Variants in TIAM1 observed in about 807,000 individuals in gnomAD.
The protein encoded by TIAM1 is TIAM Rac1 associated GEF 1.
Under a neutral mutation model 163.5 loss-of-function variants are expected in TIAM1, and 65 were observed. That is an observed-to-expected ratio of 0.40 (90% CI 0.33 to 0.49). The LOEUF (loss-of-function observed/expected upper bound fraction) is 0.49. Ranked by LOEUF, TIAM1 falls within the 20% of genes least tolerant of loss-of-function variation. The pLI is 0.77. For missense variants in TIAM1, 1,789 were observed against 2,044.7 expected (o/e 0.87, Z 2.41); for synonymous variants, 833 against 810.1 (o/e 1.03, Z -0.48).
intron 20 of TIAM1, among the ~76,000 whole-genome samples, chr21:31,146,484 G>A (rs564474515): frequency 6.6e-6 from 1 of 151,456 alleles, no homozygotes; most frequent in South Asian, 2.1e-4. Flanking sequence ...GTCGAGGCGG[G>A]TGGATCACCT....
chr21:31,281,979 T>TAAA (rs2073589826), intron 2 of TIAM1, among the ~76,000 whole-genome samples: 1 of 152,210 alleles, frequency 6.6e-6, no homozygotes, highest in African/African-American at 2.4e-5. Flanking sequence ...TTTAAACTGT[T>TAAA]ACTTAAGAAA....
intron 10 of TIAM1, chr21:31,212,919 T>G (rs1358137891): frequency 6.5e-6 from 1 of 154,702 alleles, no homozygotes; most frequent in Non-Finnish European, 1.4e-5. Flanking sequence ...AATCTTTAAT[T>G]GAATACTTGA....
chr21:31,502,519 CT>C (rs764884918), intron 1 of TIAM1, among the ~76,000 whole-genome samples: 1 of 152,138 alleles, frequency 6.6e-6, no homozygotes, highest in African/African-American at 2.4e-5. Context: ...TCCTACCACC[CT>C]CCCCCAAATC....
rs1209725958 is a variant in TIAM1 at position 31,120,700 on chromosome 21, G to A, written c.4444C>T (p.Arg1482Ter). The A allele has an allele frequency of 1.2e-6, 2 of 1,613,824 alleles. No homozygotes were observed. The highest frequency in any genetic ancestry group is 2.7e-5 in the African/African-American group (2 of 74,836). Residue 1482 changes from arginine to a stop codon, truncating the protein, a stop_gained, in exon 28 of 28, where the codon CGA (arginine) becomes TGA (stop). Transcript: ENST00000541036. LOFTEE classifies it high-confidence loss of function. This position sits in a 1 kb window ranked among gnomAD's most constrained non-coding sequence, Gnocchi z 4.2. ...AGATCAAACTGCTCCTCTACCCATCGGTCAGTGTCCCCACCACCGGGGGGC... is the reference window on the plus strand; with the variant it reads ...AGATCAAACTGCTCCTCTACCCATCAGTCAGTGTCCCCACCACCGGGGGGC... ...QQPPGGGDTD[R>*]WVEEQFDLAQ... is the part of the protein sequence containing the mutation.
At chr21:31,414,936 T>C (rs555156265) in intron 2 of TIAM1, among the ~76,000 whole-genome samples, 1 of 152,148 alleles carries the variant, frequency 6.6e-6, no homozygotes, top group Non-Finnish European at 1.5e-5. Context: ...AGGAACATTC[T>C]CACAAATGGC....
chr21:31,391,953 G>A (rs2076972250), intron 2 of TIAM1, among the ~76,000 whole-genome samples: 1 of 152,108 alleles, frequency 6.6e-6, no homozygotes, highest in Non-Finnish European at 1.5e-5. Context: ...CGCCCATGCT[G>A]TTTTTCACTT....
chr21:31,503,489 AAG>A (rs1238516291), intron 1 of TIAM1, among the ~76,000 whole-genome samples: 1 of 113,418 alleles, frequency 8.8e-6, no homozygotes, highest in African/African-American at 3.4e-5. Context: ...GAGGGAGGGA[AAG>A]AGAGAAAGAG....
rs1319564504 is a variant in TIAM1 at position 31,254,709 on chromosome 21, A to AAAAC, written c.964-2524_964-2521dup. ...AGAGAGAGAGACCCTGTCTCAAAAC[A>AAAAC]AAACAAACAAACAAATCAATCCCAT... On this transcript the variant is annotated intron_variant, in intron 4 of 27. Transcript: ENST00000541036. Among the ~76,000 whole-genome samples, 7 of 152,172 alleles carry AAAAC rather than the reference A, an allele frequency of 4.6e-5. No individual in the cohort carries two copies. The East Asian group carries it at 9.6e-4, about 21-fold the overall frequency.
At chr21:31,364,522 G>A (rs540093952) in intron 2 of TIAM1, among the ~76,000 whole-genome samples, 1 of 152,280 alleles carries the variant, frequency 6.6e-6, no homozygotes, top group South Asian at 2.1e-4. Flanking sequence ...AGCATGTGAT[G>A]GTAGAATTGA....
At chr21:31,285,221 TC>T (rs1414939460) in intron 2 of TIAM1, among the ~76,000 whole-genome samples, 1 of 152,168 alleles carries the variant, frequency 6.6e-6, no homozygotes, top group African/African-American at 2.4e-5. Flanking sequence ...ATAGCTGCCT[TC>T]GCACACAGAG....
At chr21:31,183,875 A>T (rs1373011207) in intron 14 of TIAM1, among the ~76,000 whole-genome samples, 1 of 151,514 alleles carries the variant, frequency 6.6e-6, no homozygotes, top group Non-Finnish European at 1.5e-5. Context: ...TTGTATTTTC[A>T]GTAGGGACGG....
intron 2 of TIAM1, among the ~76,000 whole-genome samples, chr21:31,386,948 C>CT (rs1476951029): frequency 2.0e-5 from 3 of 152,156 alleles, no homozygotes; most frequent in African/African-American, 7.2e-5. Flanking sequence ...ACGTCCTGAG[C>CT]TTTATCTGCT....
At chr21:31,377,954 T>G (rs1213277594) in intron 2 of TIAM1, among the ~76,000 whole-genome samples, 1 of 151,284 alleles carries the variant, frequency 6.6e-6, no homozygotes, top group Non-Finnish European at 1.5e-5. Flanking sequence ...CTGACCAACA[T>G]GAAGAAACCC....
rs1471997573 is a variant in TIAM1 at position 31,120,196 on chromosome 21, T to G, written c.*172A>C. On this transcript the variant is annotated 3_prime_UTR_variant, in exon 28 of 28. Coordinates refer to ENST00000541036, the MANE Select transcript of TIAM1 (RefSeq NM_001353694.2). The surrounding 1 kb of genome is among the most constrained non-coding windows in gnomAD (Gnocchi z 4.2). ...GATTCTGATCAATTCTTTCTGATGT[T>G]GTTGAAAATGACAAAGTTGGGTGGC... 2 of 595,034 alleles carry G rather than the reference T, an allele frequency of 3.4e-6. No individual in the cohort carries two copies. Among genetic ancestry groups the G allele is most frequent in the Admixed American group, 3.3e-5 (1 of 30,768 alleles). The allele number at this position is 595,034 out of a possible 1,614,324, so 36.9% of individuals were successfully genotyped here.
At chr21:31,281,936 A>C (rs1324621485) in intron 2 of TIAM1, among the ~76,000 whole-genome samples, 1 of 152,198 alleles carries the variant, frequency 6.6e-6, no homozygotes, top group Non-Finnish European at 1.5e-5. Context: ...GAAAATTTTA[A>C]GTGGCTCAGA....
At position 31,130,912 on chromosome 21, in the gene TIAM1, C is replaced by T. The variant is rs146506914; in HGVS notation, c.3920G>A (p.Gly1307Asp). The T allele has an allele frequency of 6.2e-6, 10 of 1,614,004 alleles. No individual in the cohort carries two copies. Among genetic ancestry groups the T allele is most frequent in the Non-Finnish European group, 7.6e-6 (9 of 1,179,970 alleles). ...KTAVVLVYKD[G>D]SKQKKKLVGS... ...TACAAGTTTCTTCTTCTGTTTGGAA[C>T]CATCTTTATACACAAGGACCACAGC... Residue 1307 changes from glycine to aspartate, a missense_variant, in exon 24 of 28, where the codon GGT (glycine) becomes GAT (aspartate). Transcript: ENST00000541036.
At chr21:31,459,698 CA>C (rs763025547) in intron 2 of TIAM1, among the ~76,000 whole-genome samples, 5 of 152,212 alleles carry the variant, frequency 3.3e-5, no homozygotes, top group African/African-American at 1.2e-4. Context: ...ATTTTACCAT[CA>C]GGGGGTGGTG....
rs889888753 is a variant in TIAM1 at position 31,325,098 on chromosome 21, G to A, written c.-189+14145C>T. On this transcript the variant is annotated intron_variant, in intron 2 of 27. Coordinates refer to ENST00000541036, the MANE Select transcript of TIAM1 (RefSeq NM_001353694.2). ...AGTTCGAGACCAGCCTGGACAACATGGCAAGACCCCATCTCTACAAAAAAA... is the reference window on the plus strand; with the variant it reads ...AGTTCGAGACCAGCCTGGACAACATAGCAAGACCCCATCTCTACAAAAAAA... Among the ~76,000 whole-genome samples, 4 of 150,580 alleles carry A rather than the reference G, an allele frequency of 2.7e-5. No individual in the cohort carries two copies. The East Asian group carries it at 6.0e-4, about 22-fold the overall frequency.
At position 31,154,405 on chromosome 21, in the gene TIAM1, A is replaced by C; in HGVS notation, c.3013T>G (p.Phe1005Val). The change falls in exon 17 of 28, where the codon TTT (phenylalanine) becomes GTT (valine). Residue 1005 changes from phenylalanine to valine, a missense_variant. Physicochemically the swap from Phe to Val is conservative, Grantham distance 50 (BLOSUM62 -1). This residue lies in a region of TIAM1 where 303 missense variants were observed against 321.3 expected (regional missense o/e 0.94). Transcript: ENST00000541036. ...SSKSTEQVAA[F>V]CRSLHEMNPS... ...TTCATCTCATGCAAACTGCGGCAAA[A>C]TGCGGCCACCTGTTCTGTACTCTTC... is the stretch of plus-strand genomic sequence containing the variant. The C allele has an allele frequency of 6.2e-7, 1 of 1,614,076 alleles. No homozygotes were observed. The highest frequency in any genetic ancestry group is 8.5e-7 in the Non-Finnish European group (1 of 1,180,006).
Sources: allele counts gnomAD v4.1 joint callset (sites outside exome capture counted in the v4.1 genomes callset), GRCh38; gene constraint gnomAD v4.1.1; regional missense constraint gnomAD v4.1.1; non-coding constraint Gnocchi (gnomAD v3.1); transcripts MANE v1.5; gene names NCBI Gene and HGNC (gene_info 2026-07-23, HGNC 2026-07-21).